AIRE: variants seen among roughly 807,000 people sequenced by gnomAD.
AIRE encodes autoimmune polyendocrinopathy candidiasis ectodermal dystrophy protein.
In AIRE, 52 loss-of-function variants were observed where a neutral mutation model predicts 62.1. That is an observed-to-expected ratio of 0.84 (90% CI 0.67 to 1.06). The LOEUF (loss-of-function observed/expected upper bound fraction) is 1.06. Among genes scored for constraint, AIRE ranks in the 50% least tolerant of loss-of-function variants. AIRE has a pLI of 0.00. For synonymous variants in AIRE, 342 were observed against 321.6 expected, an observed-to-expected ratio of 1.06 and a Z score of -0.68; for missense variants, 774 against 755.8, an observed-to-expected ratio of 1.02 and a Z score of -0.28.
chr21:44,292,504 C>T lies in AIRE; in HGVS notation c.1095+103C>T, dbSNP rs1209545456. On this transcript the variant is annotated intron_variant, in intron 9 of 13. Transcript: ENST00000291582. ...CTCCTGTCCGTCTGTCCCCTGGAGT[C>T]CTGTGGGACAGGACTGCCCCAGCCA... is the stretch of plus-strand genomic sequence containing the variant. 4 of 811,694 alleles carry T rather than the reference C, an allele frequency of 4.9e-6. No individual in the cohort carries two copies. The East Asian group carries it at 1.1e-4, about 22-fold the overall frequency. 50.3% of individuals were successfully genotyped at this position (811,694 alleles called of 1,614,324 possible).
rs557600189 is a variant in AIRE, at chr21:44,293,683, C to T, written c.1279-106C>T. On this transcript the variant is annotated intron_variant, in intron 10 of 13. Coordinates refer to ENST00000291582, the MANE Select transcript of AIRE (RefSeq NM_000383.4). ...GCTCCTCACTTGCGCCTAGACCCGCCGTCCAGCCCTGGGTGGTCCCAGGGG... is the reference window on the plus strand; with the variant it reads ...GCTCCTCACTTGCGCCTAGACCCGCTGTCCAGCCCTGGGTGGTCCCAGGGG... The T allele has an allele frequency of 1.4e-4, 221 of 1,537,906 alleles. 1 individual carries two copies. The highest frequency in any genetic ancestry group is 1.1e-3 in the African/African-American group (83 of 73,438).
Position 44,297,569 on chromosome 21 carries a change from G to GA in AIRE, c.1567-86dup. 3.2e-6 allele frequency: 4 copies of GA among 1,269,766 alleles called. No individual in the cohort carries two copies. The highest frequency in any genetic ancestry group is 4.6e-6 in the Non-Finnish European group (4 of 878,886). 78.7% of individuals were successfully genotyped at this position (1,269,766 alleles called of 1,614,324 possible). A position where few individuals can be genotyped will look rare whatever the true frequency, so the allele number is the denominator to read the frequency against. On this transcript the variant is annotated intron_variant, in intron 13 of 13. Coordinates refer to ENST00000291582, the MANE Select transcript of AIRE (RefSeq NM_000383.4). The surrounding 1 kb of genome is among the most constrained non-coding windows in gnomAD (Gnocchi z 4.8). ...CACCTTTGACTTAGAGGGAAGGTTGGATGGTGACTTCTTGTAACGATGGCC... is the reference window on the plus strand; with the variant it reads ...CACCTTTGACTTAGAGGGAAGGTTGGAATGGTGACTTCTTGTAACGATGGCC...
chr21:44,286,517 G>C lies in AIRE; in HGVS notation c.133-40G>C, dbSNP rs748054478. 3 of 1,588,802 alleles carry C rather than the reference G, an allele frequency of 1.9e-6. No individual in the cohort carries two copies. The South Asian group carries it at 3.4e-5, about 18-fold the overall frequency. Reference sequence around the variant, plus strand: ...TGGAGATGGGCAGGCCGCAGGGTGTGGGGGACCATGGCAGGGACCCTCATG... The same window carrying C: ...TGGAGATGGGCAGGCCGCAGGGTGTCGGGGACCATGGCAGGGACCCTCATG... On this transcript the variant is annotated intron_variant, in intron 1 of 13. Coordinates refer to ENST00000291582, the MANE Select transcript of AIRE (RefSeq NM_000383.4). This position sits in a 1 kb window ranked among gnomAD's most constrained non-coding sequence, Gnocchi z 6.0.
chr21:44,287,334 C>G lies in AIRE; in HGVS notation c.464-183C>G. 1.3e-6 allele frequency: 1 copy of G among 742,604 alleles called. No individual in the cohort carries two copies. The highest frequency in any genetic ancestry group is 2.2e-6 in the Non-Finnish European group (1 of 448,620). The allele number at this position is 742,604 out of a possible 1,614,324, so 46.0% of individuals were successfully genotyped here. On this transcript the variant is annotated intron_variant, in intron 3 of 13. Coordinates refer to ENST00000291582, the MANE Select transcript of AIRE (RefSeq NM_000383.4). The surrounding 1 kb of genome is among the most constrained non-coding windows in gnomAD (Gnocchi z 4.3). ...CCTCCTGCCTGAAGGCTGAGCTCCC[C>G]GGAGCTGGTGAAGTAGGCGGGCGGG... is the stretch of plus-strand genomic sequence containing the variant.
At chr21:44,292,207 A>T in intron 8 of AIRE, 95 bp from the exon 9 acceptor site, 1 of 984,992 alleles carries the variant, frequency 1.0e-6, no homozygotes, top group Admixed American at 2.0e-5. Context: ...CTGTGAAAAG[A>T]CATGGTCGGA....
intron 8 of AIRE, among the ~76,000 whole-genome samples, chr21:44,291,515 A>G (rs1601967874): frequency 6.6e-6 from 1 of 151,902 alleles, no homozygotes; most frequent in Non-Finnish European, 1.5e-5. Context: ...CCACGCCCCC[A>G]TGGGTAGCCG....
intron 9 of AIRE, 24 bp downstream of exon 9, chr21:44,292,425 C>T (rs375287460): frequency 7.9e-4 from 1,183 of 1,501,898 alleles, no homozygotes; most frequent in Non-Finnish European, 1.0e-3. Context: ...CCCTCCTAGC[C>T]GGGCCACCCC....
intron 7 of AIRE, 162 bp from the exon 8 acceptor site, chr21:44,290,933 C>A: frequency 1.2e-6 from 2 of 1,612,018 alleles, no homozygotes; most frequent in Non-Finnish European, 1.7e-6. Context: ...AACAGGTGGT[C>A]AGGGCAGAAT....
At position 44,291,544 on chromosome 21, in the gene AIRE, C is replaced by T. The variant is rs8127877; in HGVS notation, c.995+334C>T. Reference sequence around the variant, plus strand: ...GTAGCCGGCCCCCACCCCCAAGCCCCACCCCAGAGTCCCACTCCAGACAGG... The same window carrying T: ...GTAGCCGGCCCCCACCCCCAAGCCCTACCCCAGAGTCCCACTCCAGACAGG... On this transcript the variant is annotated intron_variant, in intron 8 of 13. Transcript: ENST00000291582. Among the ~76,000 whole-genome samples the T allele has an allele frequency of 5.2e-3, 785 of 152,284 alleles. 9 individuals are homozygous for T. The highest frequency in any genetic ancestry group is 0.018 in the African/African-American group (736 of 41,558).
intron 8 of AIRE, among the ~76,000 whole-genome samples, 171 bp from the exon 9 acceptor site, chr21:44,292,131 G>A (rs1445122575): frequency 1.3e-5 from 2 of 152,258 alleles, no homozygotes; most frequent in East Asian, 3.9e-4. Flanking sequence ...AAGGGTAAAT[G>A]TCCCCCTGCT....
At position 44,287,332 on chromosome 21, in the gene AIRE, C is replaced by T. The variant is rs2040492866; in HGVS notation, c.464-185C>T. ...TCCCTCCTGCCTGAAGGCTGAGCTC[C>T]CCGGAGCTGGTGAAGTAGGCGGGCG... On this transcript the variant is annotated intron_variant, in intron 3 of 13. Transcript: ENST00000291582. The surrounding 1 kb of genome is among the most constrained non-coding windows in gnomAD (Gnocchi z 4.3). 5.3e-6 allele frequency: 4 copies of T among 749,562 alleles called. No individual in the cohort carries two copies. In the South Asian group the frequency reaches 5.3e-5, roughly 10 times the overall value. 46.4% of individuals were successfully genotyped at this position (749,562 alleles called of 1,614,324 possible). A position where few individuals can be genotyped will look rare whatever the true frequency, so the allele number is the denominator to read the frequency against.
intron 7 of AIRE, chr21:44,290,320 A>G: frequency 1.0e-6 from 1 of 985,420 alleles, no homozygotes; most frequent in Non-Finnish European, 1.2e-6. Context: ...TCCAGGCTGT[A>G]CCCGCTGCTC....
intron 8 of AIRE, among the ~76,000 whole-genome samples, 180 bp downstream of exon 8, chr21:44,291,390 C>T (rs376422124): frequency 7.9e-5 from 12 of 152,304 alleles, no homozygotes; most frequent in Admixed American, 2.6e-4. Context: ...ACCTGCCTCC[C>T]GGTCTGGCCA....
chr21:44,296,626 C>T (rs1006231005), intron 13 of AIRE, among the ~76,000 whole-genome samples, 181 bp downstream of exon 13: 1 of 151,058 alleles, frequency 6.6e-6, no homozygotes, highest in Admixed American at 6.6e-5. Flanking sequence ...TGGCACCCCC[C>T]ACAGGAGCCC....
intron 12 of AIRE, among the ~76,000 whole-genome samples, chr21:44,295,079 C>T (rs555156451): frequency 1.3e-5 from 2 of 151,720 alleles, no homozygotes; most frequent in South Asian, 2.1e-4. Flanking sequence ...AGGCCCGAGT[C>T]GCTGCTGCAG....
In AIRE at chr21:44,287,042, G is replaced by A. The variant is rs775117249; in HGVS notation, c.372G>A (p.Pro124=). 6.4e-5 allele frequency: 104 copies of A among 1,612,784 alleles called. No homozygotes were observed. The highest frequency in any genetic ancestry group is 1.8e-4 in the Admixed American group (11 of 60,020). The part of the protein sequence containing the change: ...KPPAVPKALV[P]PPRLPTKRKA... ...CGGCCGTCCCCAAGGCTTTGGTACC[G>A]CCACCCAGACTCCCCACCAAGAGGA... The change falls in exon 3 of 14, where the codon CCG becomes CCA. Residue 124 remains proline (P), a synonymous_variant. Coordinates refer to ENST00000291582, the MANE Select transcript of AIRE (RefSeq NM_000383.4). This position sits in a 1 kb window ranked among gnomAD's most constrained non-coding sequence, Gnocchi z 4.3.
At chr21:44,292,087 G>A (rs1407617769) in intron 8 of AIRE, among the ~76,000 whole-genome samples, 1 of 152,184 alleles carries the variant, frequency 6.6e-6, no homozygotes, top group African/African-American at 2.4e-5. Flanking sequence ...CACGCCAAGG[G>A]GACCCTGATC....
intron 10 of AIRE, 74 bp downstream of exon 10, chr21:44,293,249 A>G (rs2040562988): frequency 2.8e-6 from 4 of 1,409,302 alleles, no homozygotes; most frequent in Non-Finnish European, 3.7e-6. Context: ...ATTCACCTGA[A>G]ACAGGAGGAG....
chr21:44,293,015 C>T lies in AIRE; in HGVS notation c.1118C>T (p.Ala373Val), dbSNP rs79212994. Residue 373 changes from alanine to valine, a missense_variant, in exon 10 of 14, where the codon GCG (alanine) becomes GTG (valine). By Grantham distance (64) the Ala-to-Val change is moderately conservative. Coordinates refer to ENST00000291582, the MANE Select transcript of AIRE (RefSeq NM_000383.4). Reference protein sequence around the residue: ...ETPLPPGLRSAGEEVRGPPGE... With the variant: ...ETPLPPGLRSVGEEVRGPPGE... The stretch of plus-strand genomic sequence containing the variant: ...CAGCTCCCCCCGGGGCTTAGGTCGG[C>T]GGGAGAGGAGGTAAGAGGTCCACCT... 539 of 1,612,418 alleles carry T rather than the reference C, an allele frequency of 3.3e-4. 2 individuals are homozygous for T. Among genetic ancestry groups the T allele is most frequent in the African/African-American group, 1.2e-3 (91 of 75,022 alleles).
Sources: allele counts gnomAD v4.1 joint callset (sites outside exome capture counted in the v4.1 genomes callset), GRCh38; gene constraint gnomAD v4.1.1; non-coding constraint Gnocchi (gnomAD v3.1); transcripts MANE v1.5; gene names NCBI Gene and HGNC (gene_info 2026-07-23, HGNC 2026-07-21).